Variants in ANGPT1 observed in about 807,000 individuals in gnomAD.
ANGPT1 encodes angiopoietin 1.
In ANGPT1, 17 loss-of-function variants were observed where a neutral mutation model predicts 62.2. The observed-to-expected ratio is 0.27, with a 90% CI of 0.19 to 0.41. ANGPT1 has a LOEUF of 0.41. Among genes scored for constraint, ANGPT1 ranks in the 10% least tolerant of loss-of-function variants. ANGPT1 has a pLI of 1.00. For missense variants in ANGPT1, 478 were observed against 594.9 expected, an observed-to-expected ratio of 0.80 and a Z score of 2.04; for synonymous variants, 199 against 198.9, an observed-to-expected ratio of 1.00 and a Z score of 0.00.
chr8:107,357,135 T>C (rs1386175550), intron 1 of ANGPT1, among the ~76,000 whole-genome samples: 2 of 152,194 alleles, frequency 1.3e-5, no homozygotes, highest in Non-Finnish European at 2.9e-5. Flanking sequence ...AGCCAACGCA[T>C]CACTCACCTT....
At chr8:107,345,112 C>T (rs1285257514) in intron 2 of ANGPT1, among the ~76,000 whole-genome samples, 1 of 152,126 alleles carries the variant, frequency 6.6e-6, no homozygotes, top group Non-Finnish European at 1.5e-5. Flanking sequence ...TAATTTGAGC[C>T]ATTGTCATCC....
intron 1 of ANGPT1, among the ~76,000 whole-genome samples, chr8:107,471,762 A>G (rs2130499178): frequency 6.6e-6 from 1 of 152,190 alleles, no homozygotes; most frequent in African/African-American, 2.4e-5. Flanking sequence ...TAATGAGAAA[A>G]TATTCATGTT....
At chr8:107,301,770 A>C (rs1348556341) in intron 5 of ANGPT1, among the ~76,000 whole-genome samples, 1 of 151,988 alleles carries the variant, frequency 6.6e-6, no homozygotes, top group African/African-American at 2.4e-5. Context: ...TCTTTCAAGA[A>C]GAAAATTTTG....
chr8:107,423,721 C>T (rs1364027176), intron 1 of ANGPT1, among the ~76,000 whole-genome samples: 1 of 150,964 alleles, frequency 6.6e-6, no homozygotes, highest in Non-Finnish European at 1.5e-5. Context: ...GTGTGAGTTT[C>T]TAATAACATA....
At chr8:107,372,952 C>T (rs771912051) in intron 1 of ANGPT1, among the ~76,000 whole-genome samples, 1 of 151,848 alleles carries the variant, frequency 6.6e-6, no homozygotes, top group Non-Finnish European at 1.5e-5. Flanking sequence ...GCTAACAACA[C>T]GAAATTATTG....
intron 4 of ANGPT1, among the ~76,000 whole-genome samples, chr8:107,305,762 A>G (rs1814700236): frequency 6.6e-6 from 1 of 152,042 alleles, no homozygotes; most frequent in South Asian, 2.1e-4. Context: ...TGAGATACTT[A>G]TATTCTTTCA....
At chr8:107,488,720 A>G (rs1183957975) in intron 1 of ANGPT1, among the ~76,000 whole-genome samples, 1 of 152,202 alleles carries the variant, frequency 6.6e-6, no homozygotes, top group African/African-American at 2.4e-5. Flanking sequence ...GACTGATAAT[A>G]CTGGTAATAA....
chr8:107,360,418 A>G lies in ANGPT1; in HGVS notation c.298-13321T>C, dbSNP rs543840758. On this transcript the variant is annotated intron_variant, in intron 1 of 8. Transcript: ENST00000517746. ...CTACAGAGCCCAAATATTGCAGTCG[A>G]TATTCAGACTCAAGTCTCTTTGATG... 5.3e-5 allele frequency among the ~76,000 whole-genome samples: 8 copies of G among 152,262 alleles called. No homozygotes were observed. In the South Asian group the frequency reaches 1.7e-3, roughly 32 times the overall value.
rs1815163010 is a variant in ANGPT1 at position 107,322,023 on chromosome 8, T to C, written c.681A>G (p.Thr227=). The C allele has an allele frequency of 1.9e-6, 3 of 1,613,906 alleles. No individual in the cohort carries two copies. Among genetic ancestry groups the C allele is most frequent in the African/African-American group, 1.3e-5 (1 of 74,900 alleles). ...GCTTTTCCAGCTCCTGGATTATATATGTTTGACGAGTAACCAAGCCTTGAA... is the reference window on the plus strand; with the variant it reads ...GCTTTTCCAGCTCCTGGATTATATACGTTTGACGAGTAACCAAGCCTTGAA... ...ENLQGLVTRQ[T]YIIQELEKQL... is the part of the protein sequence containing the mutation. Residue 227 remains threonine, a synonymous_variant, in exon 4 of 9, where the codon ACA becomes ACG. Transcript: ENST00000517746.
At position 107,322,026 on chromosome 8, in the gene ANGPT1, T is replaced by G; in HGVS notation, c.678A>C (p.Gln226His). 3.7e-6 allele frequency: 6 copies of G among 1,614,022 alleles called. No homozygotes were observed. The highest frequency in any genetic ancestry group is 5.1e-6 in the Non-Finnish European group (6 of 1,179,924). The change falls in exon 4 of 9, where the codon CAA becomes CAC. Residue 226 changes from glutamine to histidine, a missense_variant. By Grantham distance (24) the Gln-to-His change is conservative. This residue lies in a region of ANGPT1 where 343 missense variants were observed against 355.4 expected (regional missense o/e 0.97). Coordinates refer to ENST00000517746, the MANE Select transcript of ANGPT1 (RefSeq NM_001146.5). Reference sequence around the variant, plus strand: ...TTTCCAGCTCCTGGATTATATATGTTTGACGAGTAACCAAGCCTTGAAGGT... The same window carrying G: ...TTTCCAGCTCCTGGATTATATATGTGTGACGAGTAACCAAGCCTTGAAGGT... The part of the protein sequence containing the change: ...KENLQGLVTR[Q>H]TYIIQELEKQ...
At chr8:107,394,303 T>G (rs968711427) in intron 1 of ANGPT1, among the ~76,000 whole-genome samples, 1 of 152,322 alleles carries the variant, frequency 6.6e-6, no homozygotes, top group East Asian at 1.9e-4. Flanking sequence ...TCTAGTTGAC[T>G]CTTACTAGAA....
chr8:107,289,676 G>A (rs1814228329), intron 6 of ANGPT1, among the ~76,000 whole-genome samples: 3 of 151,994 alleles, frequency 2.0e-5, no homozygotes, highest in Admixed American at 1.3e-4. Flanking sequence ...CTGAAAATGT[G>A]CTCTCAACTT....
At chr8:107,285,008 A>C (rs1283429962) in intron 6 of ANGPT1, among the ~76,000 whole-genome samples, 160 bp from the exon 7 acceptor site, 1 of 152,108 alleles carries the variant, frequency 6.6e-6, no homozygotes, top group African/African-American at 2.4e-5. Context: ...CATTTCAATA[A>C]TTCTGTGTCT....
rs189622340 is a variant in ANGPT1 at position 107,399,882 on chromosome 8, C to A, written c.298-52785G>T. 3.9e-5 allele frequency among the ~76,000 whole-genome samples: 6 copies of A among 152,246 alleles called. No individual in the cohort carries two copies. The East Asian group carries it at 1.2e-3, about 29-fold the overall frequency. The stretch of plus-strand genomic sequence containing the variant: ...TGGGTAGAAAGGGCTTAGAAAACAT[C>A]AGGGTAGTTGAGATGTTGCGACACA... On this transcript the variant is annotated intron_variant, in intron 1 of 8. Coordinates refer to ENST00000517746, the MANE Select transcript of ANGPT1 (RefSeq NM_001146.5).
At chr8:107,342,999 C>CTTTT (rs5893847) in intron 2 of ANGPT1, among the ~76,000 whole-genome samples, 1 of 124,772 alleles carries the variant, frequency 8.0e-6, no homozygotes, top group Non-Finnish European at 1.6e-5. Context: ...CCATGCCTGG[C>CTTTT]TTTTTTTTTT....
chr8:107,284,918 T>C (rs1814103746), intron 6 of ANGPT1, 70 bp from the exon 7 acceptor site: 1 of 1,176,780 alleles, frequency 8.5e-7, no homozygotes, highest in Admixed American at 3.2e-5. Context: ...CATTTAACTA[T>C]TTTCTAAATA....
intron 1 of ANGPT1, among the ~76,000 whole-genome samples, chr8:107,399,456 T>TA (rs1816999827): frequency 6.6e-6 from 1 of 152,188 alleles, no homozygotes; most frequent in South Asian, 2.1e-4. Flanking sequence ...TGGACATTAA[T>TA]TAGTATGAAG....
intron 1 of ANGPT1, among the ~76,000 whole-genome samples, chr8:107,479,457 T>C (rs1033751551): frequency 5.3e-5 from 8 of 152,212 alleles, no homozygotes; most frequent in African/African-American, 1.7e-4. Flanking sequence ...ACCTGTTTCA[T>C]TCAAGTCCAG....
intron 1 of ANGPT1, among the ~76,000 whole-genome samples, chr8:107,422,083 A>G (rs1810909886): frequency 6.6e-6 from 1 of 152,182 alleles, no homozygotes. Flanking sequence ...AAAATCTACT[A>G]CAAATGAGAA....
Sources: allele counts gnomAD v4.1 joint callset (sites outside exome capture counted in the v4.1 genomes callset), GRCh38; gene constraint gnomAD v4.1.1; regional missense constraint gnomAD v4.1.1; transcripts MANE v1.5; gene names NCBI Gene and HGNC (gene_info 2026-07-23, HGNC 2026-07-21).